Variants in PTPRT observed in about 807,000 individuals in gnomAD.
PTPRT encodes receptor-type tyrosine-protein phosphatase T.
PTPRT carries 56 observed loss-of-function variants against 176.8 expected under a neutral mutation model. That is an observed-to-expected ratio of 0.32 (90% CI 0.26 to 0.40). The LOEUF (loss-of-function observed/expected upper bound fraction) is 0.40. PTPRT is among the 10% of genes least tolerant of loss of function. The pLI, the probability that PTPRT is intolerant of heterozygous loss-of-function variation, is 1.00. For missense variants in PTPRT, 1,540 were observed against 1,908.2 expected, an observed-to-expected ratio of 0.81 and a Z score of 3.60; for synonymous variants, 783 against 739.0, an observed-to-expected ratio of 1.06 and a Z score of -0.96.
At chr20:42,400,999 C>A (rs1428957225) in intron 9 of PTPRT, among the ~76,000 whole-genome samples, 1 of 151,862 alleles carries the variant, frequency 6.6e-6, no homozygotes, top group African/African-American at 2.4e-5. Context: ...AGCCGAGGAC[C>A]CCCTAGGTTT....
At chr20:42,796,478 A>ATTCC (rs1171053947) in intron 2 of PTPRT, among the ~76,000 whole-genome samples, 1 of 152,200 alleles carries the variant, frequency 6.6e-6, no homozygotes, top group Non-Finnish European at 1.5e-5. Flanking sequence ...CCAGTAGGGA[A>ATTCC]CAAGTAACTT....
chr20:42,110,680 C>T (rs895861237), intron 22 of PTPRT, among the ~76,000 whole-genome samples, 193 bp from the exon 23 acceptor site: 7 of 152,206 alleles, frequency 4.6e-5, no homozygotes, highest in Admixed American at 6.5e-5. Flanking sequence ...ATTGTTAAAA[C>T]GAAACCGATG....
At chr20:42,705,977 T>C (rs770636187) in intron 6 of PTPRT, among the ~76,000 whole-genome samples, 3 of 152,130 alleles carry the variant, frequency 2.0e-5, no homozygotes, top group African/African-American at 4.8e-5. Context: ...TGATCTGTTC[T>C]GCTCTGTATA....
chr20:42,101,757 C>T (rs574963028), intron 26 of PTPRT, among the ~76,000 whole-genome samples: 58 of 152,368 alleles, frequency 3.8e-4, no homozygotes, highest in African/African-American at 1.3e-3. Flanking sequence ...TGTGTTCCCA[C>T]GCTCAGGCCA....
intron 2 of PTPRT, among the ~76,000 whole-genome samples, chr20:42,809,634 A>T (rs562523992): frequency 6.6e-6 from 1 of 152,236 alleles, no homozygotes; most frequent in Admixed American, 6.5e-5. Flanking sequence ...TCTCTAGGGG[A>T]TAATTCCTCT....
At chr20:43,024,406 T>C (rs960569192) in intron 1 of PTPRT, among the ~76,000 whole-genome samples, 2 of 152,010 alleles carry the variant, frequency 1.3e-5, no homozygotes, top group African/African-American at 4.8e-5. Context: ...CTGGCCAGCA[T>C]GGTGAAACCC....
chr20:42,892,617 T>A (rs1305346998), intron 1 of PTPRT, among the ~76,000 whole-genome samples: 2 of 152,168 alleles, frequency 1.3e-5, no homozygotes. Flanking sequence ...ATTAAGGTGA[T>A]CTGCCATGGA....
chr20:42,288,239 C>A (rs2057263244), intron 12 of PTPRT, among the ~76,000 whole-genome samples: 1 of 151,950 alleles, frequency 6.6e-6, no homozygotes, highest in South Asian at 2.1e-4. Context: ...TTCCCTCATG[C>A]TTCTTCTGGT....
intron 6 of PTPRT, among the ~76,000 whole-genome samples, chr20:42,738,514 A>C (rs545503197): frequency 2.8e-4 from 43 of 152,068 alleles, no homozygotes; most frequent in African/African-American, 1.0e-3. Context: ...GTCTTAGAAA[A>C]AAAAAAAGAA....
chr20:42,958,374 AAGAAAGCAAGG>A (rs1299046310), intron 1 of PTPRT, among the ~76,000 whole-genome samples: 162 of 113,908 alleles, frequency 1.4e-3, no homozygotes, highest in South Asian at 2.5e-3. Flanking sequence ...GGAGGGGAAG[AAGAAAGCAAGG>A]GAGGAAAGGG....
At chr20:43,002,543 C>A (rs1409009720) in intron 1 of PTPRT, among the ~76,000 whole-genome samples, 1 of 152,086 alleles carries the variant, frequency 6.6e-6, no homozygotes, top group Non-Finnish European at 1.5e-5. Flanking sequence ...ATACAGATTA[C>A]AGTCTCCATT....
rs374588156 is a variant in PTPRT, at chr20:42,173,362, T to G, written c.2492-11820A>C. ...GAGTGTGTGTATCCTGGCAAGCATG[T>G]GAGTTTTCCCTTACCTCTTCTCCAA... On this transcript the variant is annotated intron_variant, in intron 16 of 30. Coordinates refer to ENST00000373187, the MANE Select transcript of PTPRT (RefSeq NM_007050.6). Among the ~76,000 whole-genome samples, 33 of 152,266 alleles carry G rather than the reference T, an allele frequency of 2.2e-4. No homozygotes were observed. In the South Asian group the frequency reaches 6.4e-3, roughly 30 times the overall value.
At chr20:42,699,007 T>C (rs956253624) in intron 6 of PTPRT, among the ~76,000 whole-genome samples, 1 of 152,182 alleles carries the variant, frequency 6.6e-6, no homozygotes, top group Non-Finnish European at 1.5e-5. Flanking sequence ...GTAGTAATAA[T>C]GCCTGAAAAA....
chr20:42,937,287 C>G (rs115732627), intron 1 of PTPRT, among the ~76,000 whole-genome samples: 1 of 152,200 alleles, frequency 6.6e-6, no homozygotes, highest in Non-Finnish European at 1.5e-5. Flanking sequence ...GTCATAGGAT[C>G]TCTAGCAGTC....
rs563782867 is a variant in PTPRT, at chr20:42,096,576, T to G, written c.3846+1845A>C. Among the ~76,000 whole-genome samples, 14 of 151,978 alleles carry G rather than the reference T, an allele frequency of 9.2e-5. 1 individual carries two copies. Among genetic ancestry groups the G allele is most frequent in the African/African-American group, 3.4e-4 (14 of 41,436 alleles). ...CAAGATCGCACCACTGTTACTCCAGTCGGGATGACACAGTAAGAGTCAGTA... is the reference window on the plus strand; with the variant it reads ...CAAGATCGCACCACTGTTACTCCAGGCGGGATGACACAGTAAGAGTCAGTA... On this transcript the variant is annotated intron_variant, in intron 27 of 30. Coordinates refer to ENST00000373187, the MANE Select transcript of PTPRT (RefSeq NM_007050.6).
At chr20:42,312,581 C>T (rs930550355) in intron 12 of PTPRT, among the ~76,000 whole-genome samples, 4 of 152,130 alleles carry the variant, frequency 2.6e-5, no homozygotes, top group Admixed American at 2.0e-4. Context: ...TTGCTTTTCC[C>T]CTGTCTGTTC....
chr20:42,298,395 C>T (rs1017123140), intron 12 of PTPRT, among the ~76,000 whole-genome samples: 2 of 152,124 alleles, frequency 1.3e-5, no homozygotes, highest in African/African-American at 4.8e-5. Flanking sequence ...GGGACAAATG[C>T]AAGTTGGTTT....
intron 1 of PTPRT, among the ~76,000 whole-genome samples, chr20:42,908,260 G>T (rs1326088143): frequency 6.6e-6 from 1 of 152,054 alleles, no homozygotes; most frequent in Non-Finnish European, 1.5e-5. Flanking sequence ...CATCTAAGAA[G>T]ATAATAATAA....
chr20:42,537,792 G>A (rs1368175791), intron 7 of PTPRT, among the ~76,000 whole-genome samples: 1 of 152,174 alleles, frequency 6.6e-6, no homozygotes, highest in African/African-American at 2.4e-5. Flanking sequence ...TTACAATGCA[G>A]TGTGCAGTGC....
Sources: allele counts gnomAD v4.1 joint callset (sites outside exome capture counted in the v4.1 genomes callset), GRCh38; gene constraint gnomAD v4.1.1; transcripts MANE v1.5; gene names NCBI Gene and HGNC (gene_info 2026-07-23, HGNC 2026-07-21).